DCUN1D3: variants seen among roughly 807,000 people sequenced by gnomAD.
The protein encoded by DCUN1D3 is defective in cullin neddylation 1 domain containing 3.
DCUN1D3 carries 6 observed loss-of-function variants against 24.8 expected under a neutral mutation model. The ratio of observed to expected loss-of-function variants is 0.24; its 90% confidence interval spans 0.13 to 0.48. The LOEUF (loss-of-function observed/expected upper bound fraction) is 0.48. Ranked by LOEUF, DCUN1D3 falls within the 20% of genes least tolerant of loss-of-function variation. The pLI, the probability that DCUN1D3 is intolerant of heterozygous loss-of-function variation, is 0.99. For missense variants in DCUN1D3, 258 were observed against 379.4 expected, an observed-to-expected ratio of 0.68 and a Z score of 2.66; for synonymous variants, 120 against 144.9, an observed-to-expected ratio of 0.83 and a Z score of 1.24.
chr16:20,875,210 G>GCA (rs3222584), intron 1 of DCUN1D3, among the ~76,000 whole-genome samples: 9,737 of 140,162 alleles, frequency 0.069, 327 homozygotes, highest in African/African-American at 0.1. Context: ...GTGCGCTCAT[G>GCA]CACACACACA....
Position 20,859,903 on chromosome 16 carries a change from G to A in DCUN1D3, c.898C>T (p.Pro300Ser). 1.2e-6 allele frequency: 2 copies of A among 1,611,508 alleles called. No individual in the cohort carries two copies. The highest frequency in any genetic ancestry group is 1.7e-6 in the Non-Finnish European group (2 of 1,178,132). ...ALSSGPEGLCPEEQT is the reference protein window; with the variant it reads ...ALSSGPEGLCSEEQT ...CAGAGCCACTAAGTCTGCTCCTCGG[G>A]ACACAAGCCCTCAGGCCCTGAGCTG... is the stretch of plus-strand genomic sequence containing the variant. Residue 300 changes from proline (P) to serine (S), a missense_variant, in exon 3 of 3, where the codon CCC becomes TCC. Physicochemically the swap from Pro to Ser is moderately conservative, Grantham distance 74. Coordinates refer to ENST00000324344, the MANE Select transcript of DCUN1D3 (RefSeq NM_173475.4).
chr16:20,898,590 A>T (rs1270552456), intron 1 of DCUN1D3, among the ~76,000 whole-genome samples: 1 of 152,232 alleles, frequency 6.6e-6, no homozygotes, highest in Non-Finnish European at 1.5e-5. Flanking sequence ...ACATCTAAAC[A>T]CGCTGTTACT....
intron 1 of DCUN1D3, among the ~76,000 whole-genome samples, chr16:20,897,253 A>C (rs1423102658): frequency 6.6e-6 from 1 of 152,236 alleles, no homozygotes; most frequent in African/African-American, 2.4e-5. Flanking sequence ...AAGAGGGCCA[A>C]ATCAAGGAGT....
intron 1 of DCUN1D3, among the ~76,000 whole-genome samples, chr16:20,895,588 G>A (rs1325745738): frequency 6.6e-6 from 1 of 152,146 alleles, no homozygotes; most frequent in African/African-American, 2.4e-5. Flanking sequence ...CAATCCCCCA[G>A]GATACCAAGG....
intron 1 of DCUN1D3, among the ~76,000 whole-genome samples, chr16:20,897,608 T>C (rs1331644552): frequency 6.6e-6 from 1 of 152,216 alleles, no homozygotes; most frequent in African/African-American, 2.4e-5. Flanking sequence ...AAGGGCATAT[T>C]ATTAACACTT....
chr16:20,886,063 T>TGA (rs1555497629), intron 1 of DCUN1D3, among the ~76,000 whole-genome samples: 1 of 85,608 alleles, frequency 1.2e-5, no homozygotes, highest in African/African-American at 4.1e-5. Flanking sequence ...ATTTTTTCAT[T>TGA]GAAAAAAAAA....
intron 1 of DCUN1D3, among the ~76,000 whole-genome samples, chr16:20,876,083 T>C: frequency 6.6e-6 from 1 of 152,128 alleles, no homozygotes; most frequent in East Asian, 1.9e-4. Flanking sequence ...TCTCTTGCCT[T>C]AGCCTCTCGA....
intron 1 of DCUN1D3, among the ~76,000 whole-genome samples, chr16:20,865,561 G>C (rs926552677): frequency 1.3e-5 from 2 of 152,136 alleles, no homozygotes; most frequent in Non-Finnish European, 2.9e-5. Context: ...AAATTACGTT[G>C]TTAATGAAGT....
In DCUN1D3 at chr16:20,855,195, C is replaced by A. The variant is rs1002700340; in HGVS notation, c.*4691G>T. 2 of 152,214 alleles carry A rather than the reference C, an allele frequency of 1.3e-5. No individual in the cohort carries two copies. The highest frequency in any genetic ancestry group is 6.5e-5 in the Admixed American group (1 of 15,286). The allele number at this position is 152,214 out of a possible 1,614,324, so 9.4% of individuals were successfully genotyped here. On this transcript the variant is annotated 3_prime_UTR_variant, in exon 3 of 3. Transcript: ENST00000324344. ...GGTCACATGAGCAGTGGACTCATCA[C>A]CTCAGCGGCTTAAGGCAGGGTATAT... is the stretch of plus-strand genomic sequence containing the variant.
chr16:20,888,666 G>C (rs1404283840), intron 1 of DCUN1D3, among the ~76,000 whole-genome samples: 1 of 151,976 alleles, frequency 6.6e-6, no homozygotes, highest in African/African-American at 2.4e-5. Context: ...TGTTGCCCAG[G>C]CTAGTCTTGA....
chr16:20,866,706 G>A (rs2081763841), intron 1 of DCUN1D3, among the ~76,000 whole-genome samples: 1 of 152,264 alleles, frequency 6.6e-6, no homozygotes, highest in African/African-American at 2.4e-5. Flanking sequence ...GCAAATGCCA[G>A]AAGGTTGGAT....
chr16:20,874,345 A>G (rs1381900720), intron 1 of DCUN1D3, among the ~76,000 whole-genome samples: 1 of 152,262 alleles, frequency 6.6e-6, no homozygotes, highest in Non-Finnish European at 1.5e-5. Context: ...TGGTATGACT[A>G]ACTGGCTACA....
intron 1 of DCUN1D3, chr16:20,868,935 G>A (rs2081775580): frequency 6.6e-6 from 1 of 152,484 alleles, no homozygotes; most frequent in Admixed American, 6.5e-5. Context: ...GCTTCTGCTG[G>A]ACCAAGATCA....
chr16:20,863,638 A>G (rs191648771), intron 1 of DCUN1D3, among the ~76,000 whole-genome samples: 1 of 152,262 alleles, frequency 6.6e-6, no homozygotes, highest in Non-Finnish European at 1.5e-5. Flanking sequence ...CCCAGCTACA[A>G]GGGAGGCTCA....
intron 1 of DCUN1D3, among the ~76,000 whole-genome samples, chr16:20,874,323 C>T (rs979977332): frequency 6.6e-6 from 1 of 152,210 alleles, no homozygotes; most frequent in African/African-American, 2.4e-5. Flanking sequence ...CAGTAGGATG[C>T]TATTTAAAAG....
intron 1 of DCUN1D3, 114 bp downstream of exon 1, chr16:20,900,090 T>A (rs951810355): frequency 1.3e-5 from 2 of 151,978 alleles, no homozygotes; most frequent in African/African-American, 4.8e-5. Context: ...GACAACGCGC[T>A]GACTTCCACT....
chr16:20,869,379 G>A (rs1179078326), intron 1 of DCUN1D3, among the ~76,000 whole-genome samples: 1 of 152,218 alleles, frequency 6.6e-6, no homozygotes, highest in Non-Finnish European at 1.5e-5. Flanking sequence ...AGGGACTGGG[G>A]ACGTGAAATC....
At chr16:20,890,706 A>C (rs2081888582) in intron 1 of DCUN1D3, among the ~76,000 whole-genome samples, 1 of 152,100 alleles carries the variant, frequency 6.6e-6, no homozygotes, top group Non-Finnish European at 1.5e-5. Context: ...CTGGACACTC[A>C]ACTGCTGCCC....
At chr16:20,865,950 A>T (rs944146266) in intron 1 of DCUN1D3, among the ~76,000 whole-genome samples, 1 of 152,236 alleles carries the variant, frequency 6.6e-6, no homozygotes, top group African/African-American at 2.4e-5. Context: ...TGACAAAAAT[A>T]CATGTCCAAA....
Sources: allele counts gnomAD v4.1 joint callset (sites outside exome capture counted in the v4.1 genomes callset), GRCh38; gene constraint gnomAD v4.1.1; transcripts MANE v1.5; gene names NCBI Gene and HGNC (gene_info 2026-07-23, HGNC 2026-07-21).